TSPAN18: variants seen among roughly 807,000 people sequenced by gnomAD.
The protein encoded by TSPAN18 is tetraspanin 18.
Under a neutral mutation model 27.3 loss-of-function variants are expected in TSPAN18, and 14 were observed. The observed-to-expected ratio is 0.51, with a 90% CI of 0.34 to 0.80. The LOEUF (loss-of-function observed/expected upper bound fraction) is 0.80. Among genes scored for constraint, TSPAN18 ranks in the 30% least tolerant of loss-of-function variants. The pLI, the probability that TSPAN18 is intolerant of heterozygous loss-of-function variation, is 0.01. For missense variants in TSPAN18, 268 were observed against 323.9 expected (o/e 0.83, Z 1.32); for synonymous variants, 143 against 136.5 (o/e 1.05, Z -0.33).
chr11:44,784,629 C>T (rs1856013234), intron 2 of TSPAN18, among the ~76,000 whole-genome samples: 1 of 152,176 alleles, frequency 6.6e-6, no homozygotes. Flanking sequence ...GGACAGAAGA[C>T]TCTGTGAAGG....
At chr11:44,893,955 G>A (rs1001191342) in intron 3 of TSPAN18, among the ~76,000 whole-genome samples, 3 of 152,126 alleles carry the variant, frequency 2.0e-5, no homozygotes, top group African/African-American at 7.2e-5. Flanking sequence ...GGGTTAATGT[G>A]GCCATTAACA....
chr11:44,807,310 C>T (rs1376410592), intron 2 of TSPAN18, among the ~76,000 whole-genome samples: 1 of 147,140 alleles, frequency 6.8e-6, no homozygotes, highest in Non-Finnish European at 1.5e-5. Flanking sequence ...GAGTAGATCA[C>T]TTGAGGTCAG....
intron 1 of TSPAN18, 30 bp from the exon 2 acceptor site, chr11:44,764,396 G>C (rs920139081): frequency 3.9e-5 from 6 of 152,168 alleles, no homozygotes; most frequent in Non-Finnish European, 8.8e-5. Context: ...CTGCCTTTTT[G>C]AAATGTGTTT....
chr11:44,892,639 G>T (rs904661672), intron 3 of TSPAN18, among the ~76,000 whole-genome samples: 4 of 152,206 alleles, frequency 2.6e-5, no homozygotes, highest in Admixed American at 6.5e-5. Context: ...CTGTGTCTGG[G>T]ACTGGCACCT....
At chr11:44,816,085 T>TA (rs147978388) in intron 2 of TSPAN18, among the ~76,000 whole-genome samples, 27,679 of 152,190 alleles carry the variant, frequency 0.18, 2,784 homozygotes, top group South Asian at 0.38. Flanking sequence ...CTCTGGGCCT[T>TA]AGTTTCTTGT....
At chr11:44,815,684 G>A (rs1218106285) in intron 2 of TSPAN18, among the ~76,000 whole-genome samples, 1 of 152,204 alleles carries the variant, frequency 6.6e-6, no homozygotes, top group African/African-American at 2.4e-5. Flanking sequence ...AGGCCATGGT[G>A]AGTGCCCACA....
At chr11:44,799,841 T>C (rs1158871242) in intron 2 of TSPAN18, among the ~76,000 whole-genome samples, 1 of 152,120 alleles carries the variant, frequency 6.6e-6, no homozygotes, top group African/African-American at 2.4e-5. Context: ...AGTATTTATT[T>C]ATTTATTGAG....
intron 5 of TSPAN18, 36 bp from the exon 6 acceptor site, chr11:44,917,936 C>A: frequency 6.2e-7 from 1 of 1,609,182 alleles, no homozygotes; most frequent in Non-Finnish European, 8.5e-7. Context: ...CCCCTGCCTG[C>A]CCTCTGGGCT....
intron 2 of TSPAN18, among the ~76,000 whole-genome samples, chr11:44,823,689 G>A (rs1025008058): frequency 6.6e-6 from 1 of 152,118 alleles, no homozygotes; most frequent in African/African-American, 2.4e-5. Context: ...ACTGTCTTCA[G>A]CTTGGAGGTG....
At chr11:44,857,850 G>A (rs1467553231) in intron 2 of TSPAN18, among the ~76,000 whole-genome samples, 1 of 151,844 alleles carries the variant, frequency 6.6e-6, no homozygotes, top group Non-Finnish European at 1.5e-5. Context: ...CCCTCCCCCC[G>A]ATACACACAG....
chr11:44,815,371 C>G (rs1401569744), intron 2 of TSPAN18, among the ~76,000 whole-genome samples: 1 of 152,244 alleles, frequency 6.6e-6, no homozygotes, highest in Non-Finnish European at 1.5e-5. Context: ...AGGCCAAAGG[C>G]TGACTTCTTC....
At chr11:44,757,173 G>A (rs982525980) in intron 1 of TSPAN18, among the ~76,000 whole-genome samples, 4 of 152,118 alleles carry the variant, frequency 2.6e-5, no homozygotes, top group African/African-American at 4.8e-5. Context: ...CTGTCATACC[G>A]TTTTCTACAG....
At chr11:44,855,350 C>T (rs1387361936) in intron 2 of TSPAN18, among the ~76,000 whole-genome samples, 4 of 152,288 alleles carry the variant, frequency 2.6e-5, no homozygotes, top group Middle Eastern at 3.4e-3. Flanking sequence ...ACAGCCAACT[C>T]TAGCCTGTTA....
chr11:44,748,528 G>A (rs945110035), intron 1 of TSPAN18, among the ~76,000 whole-genome samples: 1 of 152,112 alleles, frequency 6.6e-6, no homozygotes, highest in Admixed American at 6.5e-5. Flanking sequence ...TAGGCAGACC[G>A]TGTGCCAACC....
At chr11:44,754,959 C>G (rs1367455249) in intron 1 of TSPAN18, among the ~76,000 whole-genome samples, 1 of 152,208 alleles carries the variant, frequency 6.6e-6, no homozygotes, top group Admixed American at 6.5e-5. Context: ...CTGTGTCTGT[C>G]TATGGCAGGT....
intron 2 of TSPAN18, among the ~76,000 whole-genome samples, chr11:44,782,018 T>C (rs1449438909): frequency 1.3e-5 from 2 of 152,256 alleles, no homozygotes; most frequent in Non-Finnish European, 2.9e-5. Flanking sequence ...CCTGTTTTAG[T>C]AGTTTATTAC....
At chr11:44,814,214 A>G (rs1170012977) in intron 2 of TSPAN18, among the ~76,000 whole-genome samples, 1 of 146,582 alleles carries the variant, frequency 6.8e-6, no homozygotes, top group African/African-American at 2.6e-5. Context: ...CTGGTTGCCA[A>G]TCTCTTCCTG....
intron 3 of TSPAN18, among the ~76,000 whole-genome samples, chr11:44,893,752 G>A (rs1478988100): frequency 1.3e-5 from 2 of 152,126 alleles, no homozygotes; most frequent in Non-Finnish European, 2.9e-5. Context: ...GAGCTTTTTG[G>A]AGGATCAAGT....
At chr11:44,869,954 T>G (rs942458091) in intron 3 of TSPAN18, among the ~76,000 whole-genome samples, 1 of 152,218 alleles carries the variant, frequency 6.6e-6, no homozygotes, top group African/African-American at 2.4e-5. Context: ...AAACTGGCAG[T>G]GACTTCTGAC....
Sources: gnomAD v4.1 joint callset for allele counts (sites outside exome capture counted in the v4.1 genomes callset) on GRCh38, gnomAD v4.1.1 for gene constraint, MANE v1.5 for transcripts, NCBI Gene and HGNC (gene_info 2026-07-23, HGNC 2026-07-21) for gene names.